PHLPP1: variants seen among roughly 807,000 people sequenced by gnomAD.
PHLPP1 encodes the protein PH domain leucine-rich repeat-containing protein phosphatase 1.
Under a neutral mutation model 117.2 loss-of-function variants are expected in PHLPP1, and 42 were observed. The observed-to-expected ratio is 0.36, with a 90% confidence interval of 0.28 to 0.46. The LOEUF is 0.46. Among genes scored for constraint, PHLPP1 ranks in the 20% least tolerant of loss-of-function variants. The probability of loss-of-function intolerance (pLI) is 1.00; values close to 1 mark genes in which losing one functional copy is unlikely to be tolerated. For synonymous variants in PHLPP1, 1,042 were observed against 970.7 expected (o/e 1.07, Z -1.37); for missense variants, 2,084 against 2,241.9 (o/e 0.93, Z 1.42).
intron 3 of PHLPP1, among the ~76,000 whole-genome samples, chr18:62,841,676 T>C (rs1036937704): frequency 2.0e-5 from 3 of 152,192 alleles, no homozygotes; most frequent in African/African-American, 7.2e-5. Flanking sequence ...TGAGGAATAC[T>C]GATGAGGTAT....
chr18:62,898,977 T>C (rs977637818), intron 6 of PHLPP1, among the ~76,000 whole-genome samples: 1 of 152,036 alleles, frequency 6.6e-6, no homozygotes, highest in African/African-American at 2.4e-5. Context: ...TTTTTGTATT[T>C]TTAGTAGAGA....
chr18:62,951,217 G>A (rs992037286), intron 12 of PHLPP1, among the ~76,000 whole-genome samples: 2 of 152,026 alleles, frequency 1.3e-5, no homozygotes, highest in East Asian at 3.9e-4. Flanking sequence ...TCCTGACCTC[G>A]TGATCCGCCC....
intron 1 of PHLPP1, among the ~76,000 whole-genome samples, chr18:62,747,307 C>CA (rs1363399259): frequency 8.3e-6 from 1 of 120,582 alleles, no homozygotes; most frequent in African/African-American, 3.2e-5. Context: ...TCTGTGGAAA[C>CA]AGAGTCTCGC....
intron 1 of PHLPP1, among the ~76,000 whole-genome samples, chr18:62,803,580 C>T (rs1386710819): frequency 1.3e-5 from 2 of 152,208 alleles, no homozygotes; most frequent in Non-Finnish European, 2.9e-5. Context: ...ACAGTTAATA[C>T]TACTACTGTT....
intron 1 of PHLPP1, among the ~76,000 whole-genome samples, chr18:62,758,776 CA>C (rs1292962051): frequency 6.6e-6 from 1 of 151,862 alleles, no homozygotes; most frequent in African/African-American, 2.4e-5. Flanking sequence ...CAAAACAAAA[CA>C]AAACAAAAAA....
intron 10 of PHLPP1, among the ~76,000 whole-genome samples, chr18:62,928,798 G>A (rs2144436492): frequency 6.6e-6 from 1 of 152,306 alleles, no homozygotes. Flanking sequence ...ATAATAGATA[G>A]TGGAATATTA....
intron 4 of PHLPP1, among the ~76,000 whole-genome samples, chr18:62,864,031 A>AT (rs1461595930): frequency 6.6e-6 from 1 of 151,196 alleles, no homozygotes; most frequent in Non-Finnish European, 1.5e-5. Context: ...TAATTAATTT[A>AT]TTTTTTTGAG....
chr18:62,950,633 T>C (rs1910424890), intron 12 of PHLPP1, among the ~76,000 whole-genome samples: 1 of 152,224 alleles, frequency 6.6e-6, no homozygotes, highest in African/African-American at 2.4e-5. Context: ...GAACCAAGTT[T>C]AGGCTTTAGT....
chr18:62,853,363 TTG>T (rs1171164971), intron 3 of PHLPP1, among the ~76,000 whole-genome samples: 1 of 151,978 alleles, frequency 6.6e-6, no homozygotes, highest in Non-Finnish European at 1.5e-5. Context: ...TTTTTTTTTT[TTG>T]TTCTTGTTTC....
chr18:62,779,256 G>C (rs1391912753), intron 1 of PHLPP1: 1 of 151,920 alleles, frequency 6.6e-6, no homozygotes, highest in Non-Finnish European at 1.5e-5. Context: ...CAGACCTTCA[G>C]ATTTTTTTTT....
chr18:62,792,306 A>C (rs1439682691), intron 1 of PHLPP1, among the ~76,000 whole-genome samples: 1 of 152,176 alleles, frequency 6.6e-6, no homozygotes, highest in Non-Finnish European at 1.5e-5. Context: ...CCAGAGTAAA[A>C]CTGTAATTTG....
chr18:62,760,439 T>G (rs1012765925), intron 1 of PHLPP1, among the ~76,000 whole-genome samples: 5 of 152,246 alleles, frequency 3.3e-5, no homozygotes, highest in Admixed American at 2.0e-4. Flanking sequence ...GTTTTCTACC[T>G]TGATTGCTGC....
At chr18:62,939,548 G>A (rs1455604444) in intron 10 of PHLPP1, among the ~76,000 whole-genome samples, 1 of 151,754 alleles carries the variant, frequency 6.6e-6, no homozygotes, top group Non-Finnish European at 1.5e-5. Context: ...TTCAGAAACT[G>A]CAGGAGTGAC....
At chr18:62,857,126 G>C (rs1915519585) in intron 3 of PHLPP1, among the ~76,000 whole-genome samples, 1 of 151,716 alleles carries the variant, frequency 6.6e-6, no homozygotes, top group Admixed American at 6.6e-5. Context: ...AAGTACAATG[G>C]AAAAAATAAA....
At chr18:62,776,633 G>T (rs1202400909) in intron 1 of PHLPP1, among the ~76,000 whole-genome samples, 3 of 146,598 alleles carry the variant, frequency 2.0e-5, no homozygotes, top group Non-Finnish European at 4.5e-5. Context: ...TTTCTGGGAC[G>T]GAGTCTCACT....
chr18:62,858,396 G>A (rs1338297987), intron 3 of PHLPP1, among the ~76,000 whole-genome samples: 2 of 151,878 alleles, frequency 1.3e-5, no homozygotes, highest in East Asian at 1.9e-4. Context: ...CCGAGTAGCC[G>A]GGATTACAGG....
At chr18:62,921,043 G>A in intron 10 of PHLPP1, among the ~76,000 whole-genome samples, 1 of 152,110 alleles carries the variant, frequency 6.6e-6, no homozygotes, top group South Asian at 2.1e-4. Flanking sequence ...CTGTTATTTT[G>A]TTGTGATAAG....
chr18:62,931,205 A>C (rs113549836), intron 10 of PHLPP1, among the ~76,000 whole-genome samples: 15,220 of 148,582 alleles, frequency 0.1, 837 homozygotes, highest in Middle Eastern at 0.17. Context: ...TAAAAAAAAA[A>C]AACAACAACA....
chr18:62,784,151 G>A (rs901503574), intron 1 of PHLPP1, among the ~76,000 whole-genome samples: 4 of 152,128 alleles, frequency 2.6e-5, no homozygotes, highest in African/African-American at 9.7e-5. Flanking sequence ...CAGACAGTGG[G>A]GTATGTCTAA....
Sources: allele counts gnomAD v4.1 joint callset (sites outside exome capture counted in the v4.1 genomes callset), GRCh38; gene constraint gnomAD v4.1.1; transcripts MANE v1.5; gene names NCBI Gene and HGNC (gene_info 2026-07-23, HGNC 2026-07-21).